Variants in DNAI3 observed in about 807,000 individuals in gnomAD.
The protein encoded by DNAI3 is dynein axonemal intermediate chain 3, also known as WD repeat domain 63.
In DNAI3, 83 loss-of-function variants were observed where a neutral mutation model predicts 115.5. The ratio of observed to expected loss-of-function variants is 0.72; its 90% CI spans 0.60 to 0.86. The LOEUF (loss-of-function observed/expected upper bound fraction) is 0.86, where lower values mean the gene tolerates loss of function less well. Ranked by LOEUF, DNAI3 falls within the 40% of genes least tolerant of loss-of-function variation. The pLI is 0.00. For missense variants in DNAI3, 1,004 were observed against 1,075.8 expected (o/e 0.93, Z 0.93); for synonymous variants, 320 against 347.0 (o/e 0.92, Z 0.86).
chr1:85,075,763 C>T (rs1571157984), intron 3 of DNAI3, among the ~76,000 whole-genome samples: 1 of 152,318 alleles, frequency 6.6e-6, no homozygotes, highest in Non-Finnish European at 1.5e-5. Context: ...CAATGACTTT[C>T]TGCCAGGCCC....
At chr1:85,124,592 G>A (rs1048620915) in intron 19 of DNAI3, among the ~76,000 whole-genome samples, 1 of 152,120 alleles carries the variant, frequency 6.6e-6, no homozygotes, top group Non-Finnish European at 1.5e-5. Context: ...ATGCAGTGGC[G>A]TGATCTCTGC....
At chr1:85,068,673 A>G (rs191065181) in intron 1 of DNAI3, among the ~76,000 whole-genome samples, 34 of 152,294 alleles carry the variant, frequency 2.2e-4, no homozygotes, top group African/African-American at 7.9e-4. Flanking sequence ...AGGTCCTAAT[A>G]CACGACCTAG....
intron 1 of DNAI3, 37 bp from the exon 2 acceptor site, chr1:85,071,891 T>G: frequency 6.4e-7 from 1 of 1,563,104 alleles, no homozygotes; most frequent in Non-Finnish European, 8.7e-7. Flanking sequence ...GTTTGCAAAT[T>G]GTAACAATTT....
At chr1:85,082,590 G>A (rs533653391) in intron 5 of DNAI3, among the ~76,000 whole-genome samples, 186 bp downstream of exon 5, 59 of 152,132 alleles carry the variant, frequency 3.9e-4, no homozygotes, top group African/African-American at 1.2e-3. Context: ...GACTACAGGC[G>A]TGCACCACCA....
At chr1:85,094,615 T>C (rs568132938) in intron 10 of DNAI3, 60 bp downstream of exon 10, 2 of 1,570,248 alleles carry the variant, frequency 1.3e-6, no homozygotes, top group Non-Finnish European at 1.7e-6. Flanking sequence ...CATGTATACC[T>C]TTAGCAGTTT....
chr1:85,121,910 C>T lies in DNAI3; in HGVS notation c.1981+96C>T, dbSNP rs1656004817. 4 of 1,332,002 alleles carry T rather than the reference C, an allele frequency of 3.0e-6. No homozygotes were observed. In the South Asian group the frequency reaches 4.9e-5, roughly 16 times the overall value. 82.5% of individuals were successfully genotyped at this position (1,332,002 alleles called of 1,614,324 possible). On this transcript the variant is annotated intron_variant, in intron 18 of 22. Coordinates refer to ENST00000294664, the MANE Select transcript of DNAI3 (RefSeq NM_145172.5). ...GCAGTACAGAGTCACCCTGGTCTTG[C>T]TAATGGGAGGGAAGGCTCCTAAGGT... is the stretch of plus-strand genomic sequence containing the variant.
intron 3 of DNAI3, among the ~76,000 whole-genome samples, chr1:85,075,561 C>T (rs1654426620): frequency 6.6e-6 from 1 of 152,124 alleles, no homozygotes; most frequent in African/African-American, 2.4e-5. Flanking sequence ...ATGGTGGGCC[C>T]TGACCTTGCC....
At chr1:85,066,010 A>G (rs901656160) in intron 1 of DNAI3, among the ~76,000 whole-genome samples, 2 of 152,236 alleles carry the variant, frequency 1.3e-5, no homozygotes, top group Non-Finnish European at 1.5e-5. Context: ...GACTTACCCA[A>G]TACACACTTT....
intron 5 of DNAI3, among the ~76,000 whole-genome samples, chr1:85,084,250 G>T (rs1481809802): frequency 1.2e-5 from 1 of 85,032 alleles, no homozygotes; most frequent in Non-Finnish European, 2.6e-5. Context: ...TCAGCAGTGT[G>T]TATATATATA....
chr1:85,107,970 G>A (rs1571187943), intron 14 of DNAI3, 63 bp from the exon 15 acceptor site: 7 of 1,212,942 alleles, frequency 5.8e-6, no homozygotes, highest in Non-Finnish European at 7.7e-6. Flanking sequence ...CAGCATTAAT[G>A]GTAGTCCTGA....
intron 19 of DNAI3, among the ~76,000 whole-genome samples, chr1:85,124,631 G>A (rs1205126851): frequency 6.6e-6 from 1 of 152,128 alleles, no homozygotes. Flanking sequence ...CCCAGGCTCA[G>A]TTGATTCTCC....
intron 3 of DNAI3, among the ~76,000 whole-genome samples, chr1:85,078,616 T>C (rs1654535249): frequency 6.6e-6 from 1 of 152,234 alleles, no homozygotes; most frequent in African/African-American, 2.4e-5. Context: ...AGTGTGTGCC[T>C]CAAAGCCTAC....
At chr1:85,072,398 C>T (rs1232410686) in intron 2 of DNAI3, among the ~76,000 whole-genome samples, 2 of 152,158 alleles carry the variant, frequency 1.3e-5, no homozygotes, top group African/African-American at 4.8e-5. Context: ...AATCCCAGCA[C>T]TTTGGGAGGC....
chr1:85,110,099 A>T lies in DNAI3; in HGVS notation c.1750A>T (p.Ser584Cys). 1 of 1,613,056 alleles carries T rather than the reference A, an allele frequency of 6.2e-7. No individual in the cohort carries two copies. Among genetic ancestry groups the T allele is most frequent in the Non-Finnish European group, 8.5e-7 (1 of 1,179,490 alleles). The change falls in exon 16 of 23, where the codon AGC (serine) becomes TGC (cysteine). Residue 584 changes from serine to cysteine, a missense_variant. Ser to Cys is a moderately radical substitution (Grantham distance 112). Around this residue, in one of 3 missense-constraint regions of DNAI3, gnomAD observed 429 missense variants for 454.3 expected, o/e 0.94. Transcript: ENST00000294664. ...TSLDHCPTKI[S>C]LNEDHLLCKT... ...TTTAGACCACTGTCCAACCAAGATA[A>T]GCCTGAATGAAGACCATCTTCTTTG... is the stretch of plus-strand genomic sequence containing the variant.
At position 85,082,288 on chromosome 1, in the gene DNAI3, A is replaced by G. The variant is rs375428659; in HGVS notation, c.286-12A>G. On this transcript the variant is annotated splice_polypyrimidine_tract_variant and intron_variant, in intron 4 of 22. Transcript: ENST00000294664. ...TGAACATTAACTTCCTATCTCAATT[A>G]TATTCTTGTAGGAATATCCTGGAAA... 32 of 1,595,840 alleles carry G rather than the reference A, an allele frequency of 2.0e-5. No individual in the cohort carries two copies. The highest frequency in any genetic ancestry group is 3.4e-5 in the Admixed American group (2 of 59,216).
intron 8 of DNAI3, among the ~76,000 whole-genome samples, chr1:85,092,362 A>G (rs1455026331): frequency 6.6e-6 from 1 of 152,170 alleles, no homozygotes; most frequent in Non-Finnish European, 1.5e-5. Flanking sequence ...ATCTGTTTTT[A>G]CTGTTTATAT....
chr1:85,100,900 A>T (rs1655281969), intron 13 of DNAI3, among the ~76,000 whole-genome samples: 1 of 149,242 alleles, frequency 6.7e-6, no homozygotes, highest in South Asian at 2.1e-4. Context: ...GCATGTTCTC[A>T]CCCATAGGTG....
intron 3 of DNAI3, among the ~76,000 whole-genome samples, chr1:85,075,428 A>C (rs1411037929): frequency 1.3e-5 from 2 of 152,168 alleles, no homozygotes; most frequent in African/African-American, 4.8e-5. Context: ...GGGAAAGAAA[A>C]AACCAACCTC....
At chr1:85,123,306 T>C (rs1402081133) in intron 18 of DNAI3, among the ~76,000 whole-genome samples, 1 of 151,130 alleles carries the variant, frequency 6.6e-6, no homozygotes, top group African/African-American at 2.5e-5. Context: ...TCAAATTGTC[T>C]CACTTGGAGA....
Sources: gnomAD v4.1 joint callset for allele counts (sites outside exome capture counted in the v4.1 genomes callset) on GRCh38, gnomAD v4.1.1 for gene constraint, gnomAD v4.1.1 regional missense constraint, MANE v1.5 for transcripts, NCBI Gene and HGNC (gene_info 2026-07-23, HGNC 2026-07-21) for gene names.